The following RBM27 variants were observed in gnomAD, a reference collection of about 807,000 sequenced individuals.
The protein encoded by RBM27 is RNA-binding protein 27.
RBM27 carries 22 observed loss-of-function variants against 135.3 expected under a neutral mutation model. That is an observed-to-expected ratio of 0.16 (90% CI 0.12 to 0.23). RBM27 has a LOEUF of 0.23. RBM27 is among the 10% of genes least tolerant of loss of function. The pLI is 1.00. For missense variants in RBM27, 1,009 were observed against 1,281.0 expected (o/e 0.79, Z 3.24); for synonymous variants, 481 against 442.4 (o/e 1.09, Z -1.10).
chr5:146,283,785 A>G (rs1396960325), intron 19 of RBM27, among the ~76,000 whole-genome samples: 1 of 152,180 alleles, frequency 6.6e-6, no homozygotes, highest in East Asian at 1.9e-4. Flanking sequence ...CATTTGGCAA[A>G]TGCTTCAGGA....
At chr5:146,276,285 T>C (rs1374414482) in intron 19 of RBM27, among the ~76,000 whole-genome samples, 1 of 152,194 alleles carries the variant, frequency 6.6e-6, no homozygotes. Flanking sequence ...GGGAAGGGTA[T>C]GAAATTGCAT....
intron 19 of RBM27, 129 bp downstream of exon 19, chr5:146,271,803 C>T (rs1458075547): frequency 6.9e-6 from 5 of 725,438 alleles, no homozygotes; most frequent in Non-Finnish European, 1.1e-5. Flanking sequence ...TGAGTACTAC[C>T]AAATGCCTAT....
chr5:146,279,445 TAAAAAACAAAAAAACAAAA>T (rs1561570550), intron 19 of RBM27, among the ~76,000 whole-genome samples: 1 of 144,732 alleles, frequency 6.9e-6, no homozygotes, highest in Non-Finnish European at 1.5e-5. Context: ...AGACTCTGTC[TAAAAAACAAAAAAACAAAA>T]AAAAAACAAA....
At chr5:146,276,483 A>G (rs1020611615) in intron 19 of RBM27, among the ~76,000 whole-genome samples, 1 of 152,218 alleles carries the variant, frequency 6.6e-6, no homozygotes. Context: ...GGAACTTCAT[A>G]TGAGGCAACA....
In RBM27 at chr5:146,212,328, ACAGG is replaced by A. The variant is rs1217931236; in HGVS notation, c.60-6655_60-6652del. ...CTTGGCCTCCCAAAGTGCTGGGATT[ACAGG>A]CGTGAGCCACCCCGCCCGGCCCTTG... On this transcript the variant is annotated intron_variant, in intron 1 of 20. Coordinates refer to ENST00000265271, the MANE Select transcript of RBM27 (RefSeq NM_018989.2). 5.9e-5 allele frequency among the ~76,000 whole-genome samples: 9 copies of A among 152,076 alleles called. No homozygotes were observed. The Middle Eastern group carries it at 0.01, about 172-fold the overall frequency.
In RBM27 at chr5:146,240,527, A is replaced by G. The variant is rs186365634; in HGVS notation, c.1279+3095A>G. Among the ~76,000 whole-genome samples the G allele has an allele frequency of 4.8e-3, 737 of 152,182 alleles. 5 individuals are homozygous for G. The highest frequency in any genetic ancestry group is 0.017 in the African/African-American group (706 of 41,500). ...TTTTTAGTAGAGATGGGGTTTTGCC[A>G]TGTTGGCTAGGCTGGTCTCGAACTC... is the stretch of plus-strand genomic sequence containing the variant. On this transcript the variant is annotated intron_variant, in intron 8 of 20. Transcript: ENST00000265271.
At chr5:146,250,240 A>C (rs540886530) in intron 8 of RBM27, among the ~76,000 whole-genome samples, 1 of 152,090 alleles carries the variant, frequency 6.6e-6, no homozygotes, top group South Asian at 2.1e-4. Flanking sequence ...GGGGATTGAG[A>C]CCATCCTGGC....
Position 146,219,006 on chromosome 5 carries a change from C to T in RBM27, c.81C>T (p.Ala27=), listed in dbSNP as rs1756328857. The T allele has an allele frequency of 6.2e-7, 1 of 1,607,810 alleles. No homozygotes were observed. The highest frequency in any genetic ancestry group is 1.3e-5 in the African/African-American group (1 of 74,686). The change falls in exon 2 of 21, where the codon GCC becomes GCT. Residue 27 remains alanine (A), a synonymous_variant. Coordinates refer to ENST00000265271, the MANE Select transcript of RBM27 (RefSeq NM_018989.2). ...LEPICDADPS[A]LANYVVALVK... Reference sequence around the variant, plus strand: ...CTAGATGTGATGCTGATCCTTCAGCCTTAGCCAACTATGTTGTAGCACTGG... The same window carrying T: ...CTAGATGTGATGCTGATCCTTCAGCTTTAGCCAACTATGTTGTAGCACTGG...
intron 8 of RBM27, 58 bp from the exon 9 acceptor site, chr5:146,251,653 A>G (rs1366644426): frequency 2.0e-6 from 3 of 1,471,848 alleles, no homozygotes; most frequent in East Asian, 2.3e-5. Flanking sequence ...ACACATCATC[A>G]CCTAAGAGAA....
chr5:146,209,554 T>C (rs1005060632), intron 1 of RBM27, among the ~76,000 whole-genome samples: 124 of 152,334 alleles, frequency 8.1e-4, no homozygotes, highest in Non-Finnish European at 7.2e-4. Flanking sequence ...GGTTGAACTC[T>C]AGAGTTTACA....
intron 3 of RBM27, 59 bp from the exon 4 acceptor site, chr5:146,228,887 A>T: frequency 1.4e-6 from 2 of 1,380,966 alleles, no homozygotes; most frequent in Non-Finnish European, 2.1e-6. Context: ...TGTTGGGATT[A>T]CAGGTGTGAG....
chr5:146,214,781 C>T (rs951441815), intron 1 of RBM27, among the ~76,000 whole-genome samples: 2 of 152,100 alleles, frequency 1.3e-5, no homozygotes, highest in African/African-American at 2.4e-5. Flanking sequence ...GTAAATGGTC[C>T]TATTCCTTTG....
Position 146,271,066 on chromosome 5 carries a change from T to G in RBM27, c.2796+8T>G. ...AGTCAGTTACAGGTTGAGGTGAGAT[T>G]TAAAAGGAGTTAGCGCCCCACCACA... is the stretch of plus-strand genomic sequence containing the variant. On this transcript the variant is annotated splice_region_variant and intron_variant, in intron 18 of 20. Coordinates refer to ENST00000265271, the MANE Select transcript of RBM27 (RefSeq NM_018989.2). 1 of 1,596,282 alleles carries G rather than the reference T, an allele frequency of 6.3e-7. No homozygotes were observed. Among genetic ancestry groups the G allele is most frequent in the South Asian group, 1.1e-5 (1 of 90,718 alleles).
intron 1 of RBM27, among the ~76,000 whole-genome samples, chr5:146,217,606 G>A (rs1756269830): frequency 6.6e-6 from 1 of 150,418 alleles, no homozygotes; most frequent in Non-Finnish European, 1.5e-5. Flanking sequence ...TCCCAAGTGA[G>A]CTGAAACCTT....
intron 2 of RBM27, among the ~76,000 whole-genome samples, chr5:146,220,475 A>C (rs1343752464): frequency 1.8e-4 from 5 of 27,552 alleles, no homozygotes; most frequent in Non-Finnish European, 2.6e-4. Context: ...AGTCCATCTC[A>C]AAAAAAAAAA....
At chr5:146,238,854 G>A (rs1451729283) in intron 8 of RBM27, among the ~76,000 whole-genome samples, 1 of 152,076 alleles carries the variant, frequency 6.6e-6, no homozygotes, top group East Asian at 1.9e-4. Flanking sequence ...GTGACCTTGA[G>A]TAAGTTGCTT....
At chr5:146,229,148 CA>C (rs1756814834) in intron 4 of RBM27, 111 bp downstream of exon 4, 5 of 734,776 alleles carry the variant, frequency 6.8e-6, no homozygotes, top group Non-Finnish European at 1.1e-5. Context: ...TCTGTAAACT[CA>C]TTAAAGAAAG....
At chr5:146,231,406 A>C (rs919790306) in intron 6 of RBM27, among the ~76,000 whole-genome samples, 1 of 151,686 alleles carries the variant, frequency 6.6e-6, no homozygotes, top group Non-Finnish European at 1.5e-5. Flanking sequence ...CACCATGCCT[A>C]TAGTCCAAAT....
At position 146,263,598 on chromosome 5, in the gene RBM27, G is replaced by T; in HGVS notation, c.2298G>T (p.Leu766Phe). Residue 766 changes from leucine (L) to phenylalanine (F), a missense_variant, in exon 14 of 21, where the codon TTG becomes TTT. By Grantham distance (22) the Leu-to-Phe change is conservative. Transcript: ENST00000265271. ...GGNQSDASHL[L>F]NQSGGAGEDC... ...ACCAGAGTGATGCATCACATTTGTT[G>T]AATCAGTCTGGTGGTGCTGGAGAAG... 6.2e-7 allele frequency: 1 copy of T among 1,614,160 alleles called. No homozygotes were observed. Among genetic ancestry groups the T allele is most frequent in the African/African-American group, 1.3e-5 (1 of 75,054 alleles).
Sources: allele counts gnomAD v4.1 joint callset (sites outside exome capture counted in the v4.1 genomes callset), GRCh38; gene constraint gnomAD v4.1.1; transcripts MANE v1.5; gene names NCBI Gene and HGNC (gene_info 2026-07-23, HGNC 2026-07-21).